Variants in NAALADL2 observed in about 807,000 individuals in gnomAD.
NAALADL2 encodes N-acetylated alpha-linked acidic dipeptidase like 2.
A neutral mutation model predicts 87.2 loss-of-function variants in NAALADL2; 76 were observed. The observed-to-expected ratio is 0.87, with a 90% CI of 0.72 to 1.05. The LOEUF is 1.05. NAALADL2 is among the 50% of genes least tolerant of loss of function. The pLI, the probability that NAALADL2 is intolerant of heterozygous loss-of-function variation, is 0.00. For missense variants in NAALADL2, 1,089 were observed against 945.8 expected, an observed-to-expected ratio of 1.15 and a Z score of -1.99; for synonymous variants, 354 against 331.0, an observed-to-expected ratio of 1.07 and a Z score of -0.75.
chr3:175,413,987 T>C (rs1440577193), intron 5 of NAALADL2, among the ~76,000 whole-genome samples: 2 of 152,212 alleles, frequency 1.3e-5, no homozygotes, highest in Non-Finnish European at 2.9e-5. Context: ...TTCTACCCAG[T>C]GTTTCCTTGT....
chr3:175,618,364 A>G (rs1422088101), intron 10 of NAALADL2, among the ~76,000 whole-genome samples: 1 of 152,108 alleles, frequency 6.6e-6, no homozygotes, highest in Admixed American at 6.5e-5. Flanking sequence ...CAACCTGGGT[A>G]GGGAGAAAGG....
In NAALADL2 at chr3:175,750,830, C is replaced by T. The variant is rs187140290; in HGVS notation, c.1991-4390C>T. Among the ~76,000 whole-genome samples, 400 of 152,212 alleles carry T rather than the reference C, an allele frequency of 2.6e-3. 4 individuals are homozygous for T. The highest frequency in any genetic ancestry group is 8.8e-3 in the African/African-American group (366 of 41,548). ...TTTAGATGTATATGTACATTTCTAA[C>T]TAGATCAGGAATTTATTAAGATTAA... On this transcript the variant is annotated intron_variant, in intron 12 of 13. Transcript: ENST00000454872.
At chr3:175,583,513 G>A (rs1401022871) in intron 10 of NAALADL2, among the ~76,000 whole-genome samples, 3 of 136,630 alleles carry the variant, frequency 2.2e-5, no homozygotes, top group Admixed American at 7.1e-5. Flanking sequence ...AAAATCAGAT[G>A]TGTGGGGAAC....
chr3:174,805,005 C>CT (rs1448894446), intron 3 of NAALADL2, among the ~76,000 whole-genome samples: 2 of 151,644 alleles, frequency 1.3e-5, no homozygotes. Flanking sequence ...CCTTTTTTTC[C>CT]TTTTAAAATG....
chr3:175,484,010 T>C (rs914837029), intron 9 of NAALADL2, among the ~76,000 whole-genome samples: 9 of 152,020 alleles, frequency 5.9e-5, no homozygotes, highest in African/African-American at 2.2e-4. Flanking sequence ...GTCAAACAGA[T>C]AACTAAAGAG....
At chr3:175,635,077 ATAAT>A (rs1355492122) in intron 11 of NAALADL2, among the ~76,000 whole-genome samples, 1 of 152,112 alleles carries the variant, frequency 6.6e-6, no homozygotes, top group Non-Finnish European at 1.5e-5. Context: ...TCATAAGTGC[ATAAT>A]TAAACTTAAT....
rs11300894 is a variant in NAALADL2, at chr3:175,077,870, CA to C, written c.44-18916del. On this transcript the variant is annotated intron_variant, in intron 1 of 13. Coordinates refer to ENST00000454872, the MANE Select transcript of NAALADL2 (RefSeq NM_207015.3). The stretch of plus-strand genomic sequence containing the variant: ...ACCAATGGACTACAGGAAGTGAAAG[CA>C]AAACGTTTCCCTACCTGAAAGTTTC... Among the ~76,000 whole-genome samples, 864 of 152,128 alleles carry C rather than the reference CA, an allele frequency of 5.7e-3. 12 individuals are homozygous for C. The highest frequency in any genetic ancestry group is 0.02 in the African/African-American group (836 of 41,520).
At position 174,845,240 on chromosome 3, in the gene NAALADL2, G is replaced by A. The variant is rs191180426; in HGVS notation, c.-9+107494G>A. Among the ~76,000 whole-genome samples the A allele has an allele frequency of 1.8e-3, 274 of 152,226 alleles. 2 individuals are homozygous for A. Among genetic ancestry groups the A allele is most frequent in the African/African-American group, 6.4e-3 (268 of 41,552 alleles). ...CCACCTCCAGGCTGGCTGTTTTGTTGCTGGCAGGCAAATGAGAGCCTGGCA... is the reference window on the plus strand; with the variant it reads ...CCACCTCCAGGCTGGCTGTTTTGTTACTGGCAGGCAAATGAGAGCCTGGCA... On this transcript the variant is annotated intron_variant, in intron 3 of 3. Coordinates refer to the NAALADL2 transcript ENST00000434257.
chr3:175,567,238 A>G (rs16825972), intron 9 of NAALADL2, among the ~76,000 whole-genome samples: 1,822 of 152,326 alleles, frequency 0.012, 37 homozygotes, highest in African/African-American at 0.041. Flanking sequence ...ATCGTCTTCT[A>G]TCTTGTGACT....
rs138960653 is a variant in NAALADL2, at chr3:175,295,749, C to CCT, written c.940-28412_940-28411dup. Among the ~76,000 whole-genome samples, 1,063 of 128,684 alleles carry CCT rather than the reference C, an allele frequency of 8.3e-3. 7 individuals carry two copies. Among genetic ancestry groups the CCT allele is most frequent in the Middle Eastern group, 0.024 (6 of 250 alleles). 84.4% of individuals were successfully genotyped at this position (128,684 alleles called of 152,430 possible). On this transcript the variant is annotated intron_variant, in intron 4 of 13. Transcript: ENST00000454872. Reference sequence around the variant, plus strand: ...CACACACACACACACACACACACTCCCTCTCTCTCTCTCTCAGCACTCTCA... The same window carrying CCT: ...CACACACACACACACACACACACTCCCTCTCTCTCTCTCTCTCAGCACTCTCA...
chr3:175,738,873 T>C (rs1744875439), intron 12 of NAALADL2, among the ~76,000 whole-genome samples: 1 of 152,188 alleles, frequency 6.6e-6, no homozygotes, highest in African/African-American at 2.4e-5. Context: ...AAAGAAGGTA[T>C]AAATAAAGGT....
At chr3:175,157,108 G>GT (rs1345373076) in intron 2 of NAALADL2, among the ~76,000 whole-genome samples, 1 of 144,424 alleles carries the variant, frequency 6.9e-6, no homozygotes, top group Non-Finnish European at 1.5e-5. Flanking sequence ...TATGTACTTA[G>GT]TTAAAAAAAA....
chr3:174,762,892 T>C (rs1713222958), intron 3 of NAALADL2, among the ~76,000 whole-genome samples: 1 of 152,222 alleles, frequency 6.6e-6, no homozygotes, highest in Non-Finnish European at 1.5e-5. Context: ...CAAAGATATC[T>C]TCTTAATAAT....
At chr3:175,052,793 T>A (rs1755587552) in intron 1 of NAALADL2, among the ~76,000 whole-genome samples, 1 of 152,228 alleles carries the variant, frequency 6.6e-6, no homozygotes, top group African/African-American at 2.4e-5. Flanking sequence ...AATCTTTAGG[T>A]TTAGCTCCTG....
chr3:174,522,159 A>G (rs1720344851), intron 1 of NAALADL2, among the ~76,000 whole-genome samples: 1 of 152,166 alleles, frequency 6.6e-6, no homozygotes, highest in Non-Finnish European at 1.5e-5. Flanking sequence ...CATAGAGTAT[A>G]GTGGGATATT....
intron 2 of NAALADL2, among the ~76,000 whole-genome samples, chr3:175,208,229 T>C (rs1393515623): frequency 6.6e-6 from 1 of 152,152 alleles, no homozygotes; most frequent in Non-Finnish European, 1.5e-5. Flanking sequence ...TTTTGCTTTT[T>C]ACCTGTTGGC....
chr3:175,703,325 T>C (rs1490132629), intron 11 of NAALADL2, among the ~76,000 whole-genome samples: 1 of 152,184 alleles, frequency 6.6e-6, no homozygotes, highest in Non-Finnish European at 1.5e-5. Flanking sequence ...TGTCTAGGGA[T>C]TCCCCAAGGT....
chr3:174,825,177 C>A (rs1422382393), intron 3 of NAALADL2, among the ~76,000 whole-genome samples: 3 of 152,208 alleles, frequency 2.0e-5, no homozygotes, highest in African/African-American at 7.2e-5. Flanking sequence ...ATGATGGAGG[C>A]TGAGAAGTCT....
intron 1 of NAALADL2, among the ~76,000 whole-genome samples, chr3:174,876,184 T>C (rs958020932): frequency 6.6e-6 from 1 of 152,146 alleles, no homozygotes; most frequent in Non-Finnish European, 1.5e-5. Context: ...AAATCTTCTC[T>C]CTTTGTTATT....
Sources: gnomAD v4.1 joint callset for allele counts (sites outside exome capture counted in the v4.1 genomes callset) on GRCh38, gnomAD v4.1.1 for gene constraint, MANE v1.5 for transcripts, NCBI Gene and HGNC (gene_info 2026-07-23, HGNC 2026-07-21) for gene names.